CCDC91: variants seen among roughly 807,000 people sequenced by gnomAD.
The protein encoded by CCDC91 is coiled-coil domain-containing protein 91.
Under a neutral mutation model 63.2 loss-of-function variants are expected in CCDC91, and 48 were observed. The observed-to-expected ratio is 0.76, with a 90% CI of 0.60 to 0.97. The LOEUF (loss-of-function observed/expected upper bound fraction) is 0.97. CCDC91 is among the 50% of genes least tolerant of loss of function. The pLI is 0.00. For synonymous variants in CCDC91, 167 were observed against 165.8 expected, an observed-to-expected ratio of 1.01 and a Z score of -0.06; for missense variants, 500 against 494.6, an observed-to-expected ratio of 1.01 and a Z score of -0.10.
intron 1 of CCDC91, among the ~76,000 whole-genome samples, chr12:28,203,020 A>G (rs1386483755): frequency 6.6e-6 from 1 of 152,246 alleles, no homozygotes; most frequent in African/African-American, 2.4e-5. Context: ...ACTGCCAGAC[A>G]GGTCAATAAT....
intron 6 of CCDC91, among the ~76,000 whole-genome samples, chr12:28,311,641 A>G (rs1939338699): frequency 6.6e-6 from 1 of 152,086 alleles, no homozygotes; most frequent in Admixed American, 6.6e-5. Context: ...ACTATTTAGA[A>G]GAAAGTATTT....
At chr12:28,349,362 G>T (rs1360504457) in intron 6 of CCDC91, among the ~76,000 whole-genome samples, 1 of 152,154 alleles carries the variant, frequency 6.6e-6, no homozygotes, top group South Asian at 2.1e-4. Flanking sequence ...AATGGGGCAT[G>T]ATGTAGAGCA....
chr12:28,352,924 G>T (rs1943277325), intron 6 of CCDC91, among the ~76,000 whole-genome samples: 1 of 152,216 alleles, frequency 6.6e-6, no homozygotes, highest in Admixed American at 6.5e-5. Flanking sequence ...TTTGAAGCCA[G>T]TCATTGACTT....
chr12:28,486,461 T>C (rs1485517930), intron 12 of CCDC91, among the ~76,000 whole-genome samples: 1 of 152,172 alleles, frequency 6.6e-6, no homozygotes, highest in Non-Finnish European at 1.5e-5. Context: ...GCTCTGAATC[T>C]GAATGAGAAA....
intron 6 of CCDC91, among the ~76,000 whole-genome samples, chr12:28,338,677 A>C (rs1012102273): frequency 6.6e-6 from 1 of 151,874 alleles, no homozygotes; most frequent in African/African-American, 2.4e-5. Context: ...AAAAAAAATC[A>C]CTCTGACCTC....
intron 1 of CCDC91, among the ~76,000 whole-genome samples, chr12:28,195,232 G>A (rs1031416257): frequency 2.0e-5 from 3 of 152,192 alleles, no homozygotes; most frequent in East Asian, 3.9e-4. Context: ...GACACAGAGC[G>A]CTGATTGGTG....
At chr12:28,265,068 T>G (rs1947098288) in intron 3 of CCDC91, among the ~76,000 whole-genome samples, 1 of 152,052 alleles carries the variant, frequency 6.6e-6, no homozygotes, top group East Asian at 1.9e-4. Flanking sequence ...TGTCAGAAAG[T>G]GTTGTCATGT....
chr12:28,274,876 A>G (rs1378738775), intron 3 of CCDC91, among the ~76,000 whole-genome samples: 4 of 152,086 alleles, frequency 2.6e-5, no homozygotes, highest in African/African-American at 7.2e-5. Context: ...TTCCAACACT[A>G]TGTTGAATAG....
intron 8 of CCDC91, among the ~76,000 whole-genome samples, chr12:28,434,627 G>C (rs1452321713): frequency 1.4e-5 from 2 of 142,706 alleles, no homozygotes. Context: ...TTTGATTGGG[G>C]GGTGGGTAAT....
At chr12:28,515,394 C>T (rs934855563) in intron 12 of CCDC91, among the ~76,000 whole-genome samples, 3 of 151,800 alleles carry the variant, frequency 2.0e-5, no homozygotes, top group Non-Finnish European at 4.4e-5. Flanking sequence ...GTAAAATGGC[C>T]TCAAGAGAAT....
intron 3 of CCDC91, among the ~76,000 whole-genome samples, chr12:28,265,779 T>A (rs1947145517): frequency 6.6e-6 from 1 of 152,060 alleles, no homozygotes; most frequent in African/African-American, 2.4e-5. Flanking sequence ...ATCAAATTCA[T>A]TTGTCTGATT....
At chr12:28,374,070 C>A (rs1382971065) in intron 7 of CCDC91, among the ~76,000 whole-genome samples, 2 of 152,134 alleles carry the variant, frequency 1.3e-5, no homozygotes, top group African/African-American at 4.8e-5. Flanking sequence ...AATGTGAGAA[C>A]GAACTAATAC....
At chr12:28,195,712 A>G (rs1195775482) in intron 1 of CCDC91, among the ~76,000 whole-genome samples, 1 of 152,206 alleles carries the variant, frequency 6.6e-6, no homozygotes, top group African/African-American at 2.4e-5. Flanking sequence ...ATTTCTATAT[A>G]AAAGCATTGT....
intron 1 of CCDC91, among the ~76,000 whole-genome samples, chr12:28,256,567 T>TC (rs1946467336): frequency 6.6e-6 from 1 of 152,172 alleles, no homozygotes; most frequent in Admixed American, 6.6e-5. Context: ...AAAGAGGAAT[T>TC]CTGGATATTT....
chr12:28,277,411 G>T (rs2136498557), intron 3 of CCDC91, among the ~76,000 whole-genome samples: 1 of 151,954 alleles, frequency 6.6e-6, no homozygotes, highest in South Asian at 2.1e-4. Flanking sequence ...TTAACTTTTA[G>T]CAAAAACTGA....
At chr12:28,226,433 C>G (rs1362158152) in intron 1 of CCDC91, among the ~76,000 whole-genome samples, 2 of 152,142 alleles carry the variant, frequency 1.3e-5, no homozygotes, top group Non-Finnish European at 2.9e-5. Context: ...CTATATCTTT[C>G]TGTATTTCTG....
At chr12:28,318,587 A>G (rs1239720845) in intron 6 of CCDC91, among the ~76,000 whole-genome samples, 1 of 151,974 alleles carries the variant, frequency 6.6e-6, no homozygotes, top group Non-Finnish European at 1.5e-5. Flanking sequence ...AACAATAGCA[A>G]TGAGAAAATT....
chr12:28,268,644 A>G (rs1947526433), intron 3 of CCDC91: 2 of 985,150 alleles, frequency 2.0e-6, no homozygotes, highest in East Asian at 2.3e-4. Flanking sequence ...CCACAGAGCT[A>G]TATCCAGGAC....
intron 8 of CCDC91, among the ~76,000 whole-genome samples, chr12:28,402,435 C>T (rs1946677256): frequency 6.6e-6 from 1 of 151,172 alleles, no homozygotes; most frequent in South Asian, 2.1e-4. Flanking sequence ...CACTTGTTCA[C>T]TGTGATATAT....
Sources: allele counts gnomAD v4.1 joint callset (sites outside exome capture counted in the v4.1 genomes callset), GRCh38; gene constraint gnomAD v4.1.1; transcripts MANE v1.5; gene names NCBI Gene and HGNC (gene_info 2026-07-23, HGNC 2026-07-21).